The following IRF2 variants were observed in gnomAD, a reference collection of about 807,000 sequenced individuals.
IRF2 encodes the protein interferon regulatory factor 2.
A neutral mutation model predicts 40.6 loss-of-function variants in IRF2; 15 were observed. That is an observed-to-expected ratio of 0.37 (90% CI 0.25 to 0.57). IRF2 has a LOEUF of 0.57. IRF2 is among the 20% of genes least tolerant of loss of function. The pLI is 0.77. For missense variants in IRF2, 317 were observed against 455.7 expected, an observed-to-expected ratio of 0.70 and a Z score of 2.77; for synonymous variants, 151 against 165.5, an observed-to-expected ratio of 0.91 and a Z score of 0.67.
intron 7 of IRF2, among the ~76,000 whole-genome samples, chr4:184,395,412 C>CAAAAAAA (rs34566726): frequency 1.6e-4 from 11 of 67,042 alleles, no homozygotes; most frequent in Admixed American, 4.7e-4. Context: ...GACTCCGTCT[C>CAAAAAAA]AAAAAAAAAA....
intron 1 of IRF2, among the ~76,000 whole-genome samples, chr4:184,433,975 T>C (rs1737984937): frequency 6.9e-6 from 1 of 144,708 alleles, no homozygotes; most frequent in African/African-American, 2.4e-5. Flanking sequence ...TATAAACAGA[T>C]TAATTATGTT....
intron 2 of IRF2, among the ~76,000 whole-genome samples, chr4:184,421,806 C>T (rs181340791): frequency 2.0e-4 from 30 of 152,298 alleles, no homozygotes; most frequent in African/African-American, 7.2e-4. Flanking sequence ...CTGACCAAAC[C>T]CAGCAACATA....
intron 7 of IRF2, among the ~76,000 whole-genome samples, chr4:184,397,113 C>T (rs892917440): frequency 1.3e-5 from 2 of 152,200 alleles, no homozygotes. Context: ...GAATAAAGCA[C>T]CGAAGACAAG....
Position 184,414,452 on chromosome 4 carries a change from C to G in IRF2, c.411+3715G>C, listed in dbSNP as rs1737190159. On this transcript the variant is annotated intron_variant, in intron 5 of 8. Transcript: ENST00000393593. ...AAACTCCTGGGCTCAAGCCATCCTC[C>G]TACACCTCAGCCTCCTGAGTAGCTG... Among the ~76,000 whole-genome samples the G allele has an allele frequency of 2.0e-5, 3 of 152,340 alleles. No individual in the cohort carries two copies. The South Asian group carries it at 6.2e-4, about 32-fold the overall frequency.
chr4:184,402,463 GT>G (rs1736701136), intron 6 of IRF2, among the ~76,000 whole-genome samples: 1 of 152,270 alleles, frequency 6.6e-6, no homozygotes, highest in South Asian at 2.1e-4. Flanking sequence ...CAAGTTGCTG[GT>G]TAACGCTATA....
intron 1 of IRF2, among the ~76,000 whole-genome samples, chr4:184,446,185 A>G (rs942032313): frequency 1.3e-5 from 2 of 152,228 alleles, no homozygotes; most frequent in African/African-American, 4.8e-5. Context: ...TTGGCCTTCA[A>G]AACTGTGAGG....
At chr4:184,391,223 GC>G (rs1178844470) in intron 7 of IRF2, among the ~76,000 whole-genome samples, 1 of 152,224 alleles carries the variant, frequency 6.6e-6, no homozygotes, top group African/African-American at 2.4e-5. Flanking sequence ...AGTTGCATCT[GC>G]CATGTGGGTT....
intron 1 of IRF2, among the ~76,000 whole-genome samples, chr4:184,464,334 G>A (rs1213596055): frequency 6.6e-6 from 1 of 152,000 alleles, no homozygotes; most frequent in African/African-American, 2.4e-5. Flanking sequence ...TGAAGATGGG[G>A]ACCATAAAAG....
intron 5 of IRF2, among the ~76,000 whole-genome samples, chr4:184,414,676 T>C (rs1165249172): frequency 6.6e-6 from 1 of 152,254 alleles, no homozygotes; most frequent in Non-Finnish European, 1.5e-5. Context: ...CCTTGGGTGT[T>C]CCAGTCTTGG....
chr4:184,417,423 A>G (rs113614722), intron 5 of IRF2, among the ~76,000 whole-genome samples: 12 of 152,360 alleles, frequency 7.9e-5, no homozygotes, highest in African/African-American at 2.6e-4. Flanking sequence ...AATCTCTCTG[A>G]GATCCCTGGG....
At chr4:184,460,665 G>GCACACACACACACATGCACGCA (rs1561128443) in intron 1 of IRF2, among the ~76,000 whole-genome samples, 1 of 110,362 alleles carries the variant, frequency 9.1e-6, no homozygotes, top group African/African-American at 2.9e-5. Flanking sequence ...ACATGCACGC[G>GCACACACACACACATGCACGCA]CACACACACA....
At position 184,471,528 on chromosome 4, in the gene IRF2, T is replaced by C. The variant is rs6821416; in HGVS notation, c.-7+2851A>G. Among the ~76,000 whole-genome samples, 1,363 of 152,266 alleles carry C rather than the reference T, an allele frequency of 9.0e-3. 30 individuals carry two copies. Among genetic ancestry groups the C allele is most frequent in the African/African-American group, 0.031 (1,269 of 41,536 alleles). On this transcript the variant is annotated intron_variant, in intron 1 of 8. Coordinates refer to ENST00000393593, the MANE Select transcript of IRF2 (RefSeq NM_002199.4). Reference sequence around the variant, plus strand: ...ACCCAGATACTCCATTTAGATAGAGTACAGTGGTTTTTCACTATCAAAAGG... The same window carrying C: ...ACCCAGATACTCCATTTAGATAGAGCACAGTGGTTTTTCACTATCAAAAGG...
chr4:184,409,227 C>T (rs145003482), intron 5 of IRF2, among the ~76,000 whole-genome samples: 5 of 152,274 alleles, frequency 3.3e-5, no homozygotes, highest in East Asian at 1.9e-4. Context: ...TGCAAGTAGA[C>T]GTGACTGTGC....
intron 4 of IRF2, 54 bp downstream of exon 4, chr4:184,418,478 A>C: frequency 6.6e-7 from 1 of 1,511,670 alleles, no homozygotes. Flanking sequence ...AGAGATCACG[A>C]AGGCACGATG....
Position 184,461,684 on chromosome 4 carries a change from G to A in IRF2, c.-7+12695C>T, listed in dbSNP as rs1156926708. Among the ~76,000 whole-genome samples, 44 of 40,818 alleles carry A rather than the reference G, an allele frequency of 1.1e-3. 1 individual carries two copies. Among genetic ancestry groups the A allele is most frequent in the South Asian group, 3.2e-3 (3 of 952 alleles). 26.8% of individuals were successfully genotyped at this position (40,818 alleles called of 152,430 possible). Reference sequence around the variant, plus strand: ...TTCAGCTGAGCACTCTCCTCTACCCGCCCCCCCACCGCCCCCCAACCCCCA... The same window carrying A: ...TTCAGCTGAGCACTCTCCTCTACCCACCCCCCCACCGCCCCCCAACCCCCA... On this transcript the variant is annotated intron_variant, in intron 1 of 8. Coordinates refer to ENST00000393593, the MANE Select transcript of IRF2 (RefSeq NM_002199.4).
intron 1 of IRF2, chr4:184,472,621 G>GT (rs1276764354): frequency 6.6e-6 from 1 of 150,552 alleles, no homozygotes; most frequent in Non-Finnish European, 1.5e-5. Context: ...GAACAACTGA[G>GT]TTTTTTCCTT....
At chr4:184,432,486 C>T (rs1022438892) in intron 1 of IRF2, among the ~76,000 whole-genome samples, 4 of 152,218 alleles carry the variant, frequency 2.6e-5, no homozygotes, top group South Asian at 2.1e-4. Flanking sequence ...GGCTATGATG[C>T]GCCTTACAGG....
In IRF2 at chr4:184,392,504, C is replaced by T. The variant is rs1199155421; in HGVS notation, c.695-1755G>A. 2.0e-5 allele frequency among the ~76,000 whole-genome samples: 3 copies of T among 152,318 alleles called. No homozygotes were observed. In the South Asian group the frequency reaches 6.2e-4, roughly 32 times the overall value. The stretch of plus-strand genomic sequence containing the variant: ...CACGTCAGCAAGCAGCTGCTCTCAT[C>T]CCCCGTTACGCAGAAGAGCTCTTAT... On this transcript the variant is annotated intron_variant, in intron 7 of 8. Transcript: ENST00000393593.
chr4:184,430,292 C>G (rs1488659777), intron 1 of IRF2, among the ~76,000 whole-genome samples: 1 of 117,154 alleles, frequency 8.5e-6, no homozygotes, highest in African/African-American at 3.0e-5. Flanking sequence ...CTGTCTGGCC[C>G]AGCCTTTTCC....
Sources: gnomAD v4.1 joint callset for allele counts (sites outside exome capture counted in the v4.1 genomes callset) on GRCh38, gnomAD v4.1.1 for gene constraint, MANE v1.5 for transcripts, NCBI Gene and HGNC (gene_info 2026-07-23, HGNC 2026-07-21) for gene names.